PANK2: variants seen among roughly 807,000 people sequenced by gnomAD.
The protein encoded by PANK2 is pantothenate kinase 2.
PANK2 carries 36 observed loss-of-function variants against 43.1 expected under a neutral mutation model. The ratio of observed to expected loss-of-function variants is 0.84; its 90% CI spans 0.64 to 1.10. The LOEUF (loss-of-function observed/expected upper bound fraction) is 1.10. PANK2 is among the 50% of genes least tolerant of loss of function. The pLI, the probability that PANK2 is intolerant of heterozygous loss-of-function variation, is 0.00. For synonymous variants in PANK2, 281 were observed against 238.2 expected, an observed-to-expected ratio of 1.18 and a Z score of -1.66; for missense variants, 576 against 593.3, an observed-to-expected ratio of 0.97 and a Z score of 0.30.
chr20:3,922,367 ATG>A (rs2090659776), intron 6 of PANK2, among the ~76,000 whole-genome samples: 1 of 152,150 alleles, frequency 6.6e-6, no homozygotes, highest in African/African-American at 2.4e-5. Context: ...TCTTGGTTGC[ATG>A]TGACCTGACT....
chr20:3,889,585 C>T lies in PANK2; in HGVS notation c.155C>T (p.Pro52Leu), dbSNP rs769866444. The T allele has an allele frequency of 3.4e-6, 5 of 1,488,016 alleles. No homozygotes were observed. Among genetic ancestry groups the T allele is most frequent in the Non-Finnish European group, 4.4e-6 (5 of 1,126,594 alleles). The allele number at this position is 1,488,016 out of a possible 1,614,324, so 92.2% of individuals were successfully genotyped here. A position where few individuals can be genotyped will look rare whatever the true frequency, so the allele number is the denominator to read the frequency against. ...GACCCCGAAGGGCGGCGGCAGGAGCCACTGCGGCGCCGGGCGAGCAGCGCG... is the reference window on the plus strand; with the variant it reads ...GACCCCGAAGGGCGGCGGCAGGAGCTACTGCGGCGCCGGGCGAGCAGCGCG... Residue 52 changes from proline (P) to leucine (L), a missense_variant, in exon 1 of 7, where the codon CCA (proline) becomes CTA (leucine). Around this residue, in one of 2 missense-constraint regions of PANK2, gnomAD observed 544 missense variants for 528.9 expected, o/e 1.03. Transcript: ENST00000610179.
At chr20:3,910,299 T>TG (rs2090447889) in intron 2 of PANK2, among the ~76,000 whole-genome samples, 1 of 150,986 alleles carries the variant, frequency 6.6e-6, no homozygotes, top group South Asian at 2.1e-4. Context: ...GCTGTGGTTT[T>TG]TTTTTTTTGT....
rs183248520 is a variant in PANK2, at chr20:3,900,243, A to C, written c.299-7683A>C. On this transcript the variant is annotated intron_variant, in intron 1 of 6. Coordinates refer to ENST00000610179, the MANE Select transcript of PANK2 (RefSeq NM_001386393.1). ...CTACCCAGTGTTTCCGTCAGTAACT[A>C]TATGATTATGAGTGAGTATAGGGAT... 3.9e-4 allele frequency among the ~76,000 whole-genome samples: 59 copies of C among 151,988 alleles called. No homozygotes were observed. In the Middle Eastern group the frequency reaches 0.01, roughly 26 times the overall value.
intron 5 of PANK2, 82 bp downstream of exon 5, chr20:3,917,132 C>T (rs2090574281): frequency 6.4e-7 from 1 of 1,562,822 alleles, no homozygotes; most frequent in African/African-American, 1.4e-5. Flanking sequence ...TTTCTCAGAA[C>T]AGTGCCTAAA....
At chr20:3,897,921 C>T (rs1290303953) in intron 1 of PANK2, among the ~76,000 whole-genome samples, 2 of 152,100 alleles carry the variant, frequency 1.3e-5, no homozygotes, top group Non-Finnish European at 2.9e-5. Context: ...AGGAGAATCG[C>T]TTGAACAACT....
At chr20:3,889,049 C>T, upstream of PANK2, 1 of 1,439,400 alleles carries the variant, frequency 6.9e-7, no homozygotes, top group Non-Finnish European at 9.3e-7. Flanking sequence ...GAGAGTTCCG[C>T]GGCCCGGGGG....
chr20:3,908,416 G>A (rs567874925), intron 2 of PANK2, 138 bp downstream of exon 2: 31 of 871,596 alleles, frequency 3.6e-5, no homozygotes, highest in Non-Finnish European at 5.5e-5. Flanking sequence ...AGGTACGCTA[G>A]TGATAGGAGT....
In PANK2 at chr20:3,889,575, C is replaced by A. The variant is rs2090078519; in HGVS notation, c.145C>A (p.Arg49=). The change falls in exon 1 of 7, where the codon CGG becomes AGG. Residue 49 remains arginine, a synonymous_variant. Coordinates refer to ENST00000610179, the MANE Select transcript of PANK2 (RefSeq NM_001386393.1). ...GGCGGCCGGGGACCCCGAAGGGCGG[C>A]GGCAGGAGCCACTGCGGCGCCGGGC... The A allele has an allele frequency of 6.9e-7, 1 of 1,459,644 alleles. No homozygotes were observed. Among genetic ancestry groups the A allele is most frequent in the Non-Finnish European group, 9.0e-7 (1 of 1,115,146 alleles). The allele number at this position is 1,459,644 out of a possible 1,614,324, so 90.4% of individuals were successfully genotyped here.
rs1019111734 is a variant in PANK2, at chr20:3,890,022, G to A, written c.298+294G>A. 8.3e-6 allele frequency: 9 copies of A among 1,084,338 alleles called. No homozygotes were observed. The East Asian group carries it at 2.4e-4, about 29-fold the overall frequency. The allele number at this position is 1,084,338 out of a possible 1,614,324, so 67.2% of individuals were successfully genotyped here. On this transcript the variant is annotated intron_variant, in intron 1 of 6. Coordinates refer to ENST00000610179, the MANE Select transcript of PANK2 (RefSeq NM_001386393.1). The stretch of plus-strand genomic sequence containing the variant: ...CTCCTTGGGCATTCTCTTCCTGAGG[G>A]TCACATGATTTTATCCTCGAGAAGG...
chr20:3,910,436 T>C, intron 2 of PANK2, 141 bp from the exon 3 acceptor site: 1 of 960,008 alleles, frequency 1.0e-6, no homozygotes. Flanking sequence ...CCTAAATCTG[T>C]TCTGTAAAGC....
Position 3,924,244 on chromosome 20 carries a change from T to G in PANK2, c.*950T>G. 1 of 152,294 alleles carries G rather than the reference T, an allele frequency of 6.6e-6. No homozygotes were observed. The highest frequency in any genetic ancestry group is 6.5e-5 in the Admixed American group (1 of 15,288). The allele number at this position is 152,294 out of a possible 1,614,324, so 9.4% of individuals were successfully genotyped here. ...AAGCTTTTCTTTCTGCTTTGCAGAA[T>G]AATTTCAAAAGCCTTTCCCAAGGAG... On this transcript the variant is annotated 3_prime_UTR_variant, in exon 7 of 7. Coordinates refer to ENST00000610179, the MANE Select transcript of PANK2 (RefSeq NM_001386393.1).
At position 3,926,236 on chromosome 20, in the gene PANK2, T is replaced by G. The variant is rs2090717754; in HGVS notation, c.*2942T>G. The G allele has an allele frequency of 6.6e-6, 1 of 152,244 alleles. No homozygotes were observed. The highest frequency in any genetic ancestry group is 6.6e-5 in the Admixed American group (1 of 15,264). The allele number at this position is 152,244 out of a possible 1,614,324, so 9.4% of individuals were successfully genotyped here. A position where few individuals can be genotyped will look rare whatever the true frequency, so the allele number is the denominator to read the frequency against. ...TGGGTTGGAGATACAGAGCTGAGAA[T>G]GATATGCATGTAGGTGGGCAAAGCA... On this transcript the variant is annotated 3_prime_UTR_variant, in exon 7 of 7. Coordinates refer to ENST00000610179, the MANE Select transcript of PANK2 (RefSeq NM_001386393.1).
At chr20:3,909,471 T>G (rs1262375128) in intron 2 of PANK2, among the ~76,000 whole-genome samples, 1 of 152,192 alleles carries the variant, frequency 6.6e-6, no homozygotes, top group Non-Finnish European at 1.5e-5. Context: ...CCTCAAGTGA[T>G]CTGCCTGCCT....
chr20:3,906,820 G>C (rs1018845508), intron 1 of PANK2, among the ~76,000 whole-genome samples: 1 of 151,790 alleles, frequency 6.6e-6, no homozygotes, highest in African/African-American at 2.4e-5. Flanking sequence ...TTTTCTTTGA[G>C]ACGGAGTGTC....
Position 3,929,455 on chromosome 20 carries a change from G to C in PANK2, c.*6161G>C, listed in dbSNP as rs2090787166. The C allele has an allele frequency of 6.6e-6, 1 of 152,272 alleles. No individual in the cohort carries two copies. The highest frequency in any genetic ancestry group is 2.1e-4 in the South Asian group (1 of 4,836). 9.4% of individuals were successfully genotyped at this position (152,272 alleles called of 1,614,324 possible). On this transcript the variant is annotated 3_prime_UTR_variant, in exon 7 of 7. Transcript: ENST00000610179. ...TCCATGAACTGACGCTGGACATTCA[G>C]GCATATCCACATGAGACTCACTGTG... is the stretch of plus-strand genomic sequence containing the variant.
chr20:3,909,402 A>G (rs2090435035), intron 2 of PANK2, among the ~76,000 whole-genome samples: 1 of 151,120 alleles, frequency 6.6e-6, no homozygotes, highest in Non-Finnish European at 1.5e-5. Context: ...GTTATTCTGC[A>G]TGTCTTTTAG....
chr20:3,910,034 T>C (rs1298803324), intron 2 of PANK2, among the ~76,000 whole-genome samples: 5 of 152,246 alleles, frequency 3.3e-5, no homozygotes, highest in African/African-American at 1.2e-4. Context: ...CCCAAGAGGC[T>C]GTAGCTAGTT....
intron 1 of PANK2, among the ~76,000 whole-genome samples, chr20:3,892,915 A>T (rs1173906228): frequency 6.6e-6 from 1 of 152,044 alleles, no homozygotes; most frequent in African/African-American, 2.4e-5. Flanking sequence ...GTGTATATTT[A>T]AGTTCTTCAA....
At chr20:3,900,570 T>G (rs1255544329) in intron 1 of PANK2, among the ~76,000 whole-genome samples, 1 of 151,926 alleles carries the variant, frequency 6.6e-6, no homozygotes, top group Non-Finnish European at 1.5e-5. Flanking sequence ...TGTGGGTGAT[T>G]TACCATTTTT....
Sources: gnomAD v4.1 joint callset for allele counts (sites outside exome capture counted in the v4.1 genomes callset) on GRCh38, gnomAD v4.1.1 for gene constraint, gnomAD v4.1.1 regional missense constraint, MANE v1.5 for transcripts, NCBI Gene and HGNC (gene_info 2026-07-23, HGNC 2026-07-21) for gene names.